Variants in FYCO1 observed in about 807,000 individuals in gnomAD.
The protein encoded by FYCO1 is FYVE and coiled-coil domain-containing protein 1.
FYCO1 carries 122 observed loss-of-function variants against 165.1 expected under a neutral mutation model. The ratio of observed to expected loss-of-function variants is 0.74; its 90% CI spans 0.64 to 0.86. The LOEUF (loss-of-function observed/expected upper bound fraction) is 0.86. FYCO1 is among the 40% of genes least tolerant of loss of function. The pLI is 0.00. For missense variants in FYCO1, 1,702 were observed against 1,810.3 expected, an observed-to-expected ratio of 0.94 and a Z score of 1.09; for synonymous variants, 648 against 742.5, an observed-to-expected ratio of 0.87 and a Z score of 2.07.
rs1706203826 is a variant in FYCO1, at chr3:45,968,170, C to T, written c.1164G>A (p.Arg388=). ...KADTASDTKG[R]QEPIPSDAAQ... Reference sequence around the variant, plus strand: ...CCGCATCACTGGGAATAGGTTCTTGCCGGCCCTTTGTGTCTGATGCCGTAT... The same window carrying T: ...CCGCATCACTGGGAATAGGTTCTTGTCGGCCCTTTGTGTCTGATGCCGTAT... The change falls in exon 8 of 18, where the codon CGG becomes CGA. Residue 388 remains arginine, a synonymous_variant. Coordinates refer to ENST00000296137, the MANE Select transcript of FYCO1 (RefSeq NM_024513.4). 3.1e-6 allele frequency: 5 copies of T among 1,614,086 alleles called. No homozygotes were observed. The Admixed American group carries it at 6.7e-5, about 22-fold the overall frequency.
At position 45,966,793 on chromosome 3, in the gene FYCO1, T is replaced by C. The variant is rs764091458; in HGVS notation, c.2541A>G (p.Gln847=). ...LNRAHVQELL[Q]CSEREGALQE... ...GCAGTGCCCCTTCACGCTCCGAGCA[T>C]TGCAGCAGCTCCTGGACATGGGCTC... The change falls in exon 8 of 18, where the codon CAA becomes CAG. Residue 847 remains glutamine, a synonymous_variant. Transcript: ENST00000296137. 21 of 1,609,874 alleles carry C rather than the reference T, an allele frequency of 1.3e-5. No individual in the cohort carries two copies. The highest frequency in any genetic ancestry group is 1.6e-4 in the Middle Eastern group (1 of 6,084).
intron 16 of FYCO1, among the ~76,000 whole-genome samples, chr3:45,927,585 T>C (rs952858861): frequency 6.6e-6 from 1 of 151,802 alleles, no homozygotes. Flanking sequence ...GTACAAAGAG[T>C]GTACACTGAG....
intron 1 of FYCO1, among the ~76,000 whole-genome samples, chr3:45,988,098 G>A (rs1006077782): frequency 2.0e-5 from 3 of 152,100 alleles, no homozygotes; most frequent in East Asian, 1.9e-4. Context: ...AGCCTGTGTC[G>A]CCACCAGCAT....
rs1232106390 is a variant in FYCO1 at position 45,964,496 on chromosome 3, G to A, written c.3151-42C>T. On this transcript the variant is annotated intron_variant, in intron 9 of 17. Transcript: ENST00000296137. This position sits in a 1 kb window ranked among gnomAD's most constrained non-coding sequence, Gnocchi z 4.1. ...GGGAGAAGACACTCAGCTTGCAGAA[G>A]GCCATGCAACGTACCATAAAGTGGC... 6.2e-7 allele frequency: 1 copy of A among 1,611,898 alleles called. No individual in the cohort carries two copies. The highest frequency in any genetic ancestry group is 1.3e-5 in the African/African-American group (1 of 74,914).
chr3:45,988,511 C>T (rs7628447), intron 1 of FYCO1, among the ~76,000 whole-genome samples: 88,064 of 152,004 alleles, frequency 0.58, 28,138 homozygotes, highest in East Asian at 0.99. Flanking sequence ...CACGGCTGCC[C>T]CAGCACCAGC....
At chr3:45,952,481 C>T (rs1552489) in intron 14 of FYCO1, among the ~76,000 whole-genome samples, 57,481 of 151,968 alleles carry the variant, frequency 0.38, 11,800 homozygotes, top group East Asian at 0.66. Context: ...TGTCTGACAA[C>T]GCAGCCTTTA....
intron 11 of FYCO1, among the ~76,000 whole-genome samples, chr3:45,961,948 C>A (rs574088567): frequency 6.6e-6 from 1 of 152,352 alleles, no homozygotes; most frequent in East Asian, 1.9e-4. Flanking sequence ...TAGGCCAAGA[C>A]ATATGGCAGA....
intron 13 of FYCO1, among the ~76,000 whole-genome samples, chr3:45,958,050 G>A (rs1346705333): frequency 2.0e-5 from 3 of 152,160 alleles, no homozygotes; most frequent in Non-Finnish European, 4.4e-5. Flanking sequence ...GGATATGGAT[G>A]GTTCCAGACA....
intron 1 of FYCO1, among the ~76,000 whole-genome samples, chr3:45,994,703 G>T (rs1707714071): frequency 1.3e-5 from 2 of 152,012 alleles, no homozygotes; most frequent in African/African-American, 4.8e-5. Context: ...AGATGGCAGG[G>T]GAATTAAGCT....
intron 17 of FYCO1, 144 bp from the exon 18 acceptor site, chr3:45,921,984 T>C (rs1235034198): frequency 4.3e-6 from 3 of 701,820 alleles, no homozygotes; most frequent in African/African-American, 1.8e-5. Context: ...TTCCTGTCTG[T>C]CTAGTGGAGT....
In FYCO1 at chr3:45,983,531, A is replaced by G. The variant is rs568922094; in HGVS notation, c.55+1325T>C. 1.2e-3 allele frequency among the ~76,000 whole-genome samples: 185 copies of G among 152,276 alleles called. 1 individual carries two copies. The highest frequency in any genetic ancestry group is 1.7e-3 in the Non-Finnish European group (115 of 68,024). On this transcript the variant is annotated intron_variant, in intron 2 of 17. Coordinates refer to ENST00000296137, the MANE Select transcript of FYCO1 (RefSeq NM_024513.4). ...ACTCAGCTGGTACATAGGATAGACA[A>G]TGGTCTAGATCAGAAGCTCTACCTG...
chr3:45,919,057 G>T lies in FYCO1; in HGVS notation c.*2708C>A, dbSNP rs146581284. Reference sequence around the variant, plus strand: ...TTATTCAGAGAGATGAGCCATCAAGGGGCTGCCCCTTTTAAAAAAAAAAAA... The same window carrying T: ...TTATTCAGAGAGATGAGCCATCAAGTGGCTGCCCCTTTTAAAAAAAAAAAA... On this transcript the variant is annotated 3_prime_UTR_variant, in exon 18 of 18. Transcript: ENST00000296137. 7.4e-6 allele frequency: 1 copy of T among 135,594 alleles called. No homozygotes were observed. Among genetic ancestry groups the T allele is most frequent in the African/African-American group, 3.0e-5 (1 of 33,282 alleles). The allele number at this position is 135,594 out of a possible 1,614,324, so 8.4% of individuals were successfully genotyped here.
chr3:45,923,260 G>C (rs555710937), intron 17 of FYCO1, among the ~76,000 whole-genome samples: 1 of 152,290 alleles, frequency 6.6e-6, no homozygotes, highest in Non-Finnish European at 1.5e-5. Context: ...CATTCATTCA[G>C]TCTTTCCATT....
intron 14 of FYCO1, chr3:45,938,330 T>G: frequency 1.2e-6 from 1 of 844,834 alleles, no homozygotes; most frequent in Non-Finnish European, 1.7e-6. Context: ...GAGGGCTTTC[T>G]TTTCAATAGG....
At chr3:45,978,249 G>T (rs1165240164) in intron 4 of FYCO1, among the ~76,000 whole-genome samples, 1 of 152,234 alleles carries the variant, frequency 6.6e-6, no homozygotes, top group Non-Finnish European at 1.5e-5. Flanking sequence ...TAGTTGCTCT[G>T]ATGCAGCGGC....
At chr3:45,971,050 T>TA (rs139901862) in intron 6 of FYCO1, among the ~76,000 whole-genome samples, 14,203 of 152,118 alleles carry the variant, frequency 0.093, 1,021 homozygotes, top group South Asian at 0.34. Flanking sequence ...TTTTATTTCT[T>TA]AAAAAAGTAT....
At chr3:45,992,722 C>T (rs1707617841) in intron 1 of FYCO1, among the ~76,000 whole-genome samples, 1 of 152,122 alleles carries the variant, frequency 6.6e-6, no homozygotes, top group African/African-American at 2.4e-5. Context: ...AACAGACATT[C>T]TCAGTGGCTG....
At chr3:45,990,245 T>C (rs1486551147) in intron 1 of FYCO1, among the ~76,000 whole-genome samples, 1 of 152,108 alleles carries the variant, frequency 6.6e-6, no homozygotes, top group Non-Finnish European at 1.5e-5. Context: ...AGGTAAAAGG[T>C]ATTTTTTGGC....
At chr3:45,954,695 T>C (rs1417795943) in intron 14 of FYCO1, among the ~76,000 whole-genome samples, 1 of 152,090 alleles carries the variant, frequency 6.6e-6, no homozygotes, top group African/African-American at 2.4e-5. Flanking sequence ...GAGGAATGAT[T>C]AAGTTAAGAT....
Sources: allele counts gnomAD v4.1 joint callset (sites outside exome capture counted in the v4.1 genomes callset), GRCh38; gene constraint gnomAD v4.1.1; non-coding constraint Gnocchi (gnomAD v3.1); transcripts MANE v1.5; gene names NCBI Gene and HGNC (gene_info 2026-07-23, HGNC 2026-07-21).